Variants in ERMP1 observed in about 807,000 individuals in gnomAD.
The protein encoded by ERMP1 is Felix-ina.
Under a neutral mutation model 92.0 loss-of-function variants are expected in ERMP1, and 86 were observed. That is an observed-to-expected ratio of 0.93 (90% CI 0.79 to 1.12). The LOEUF (loss-of-function observed/expected upper bound fraction) is 1.12, where lower values mean the gene tolerates loss of function less well. ERMP1 is among the 50% of genes most tolerant of loss of function. The probability of loss-of-function intolerance (pLI) is 0.00; values close to 1 mark genes in which losing one functional copy is unlikely to be tolerated. For missense variants in ERMP1, 1,342 were observed against 1,116.3 expected (o/e 1.20, Z -2.88); for synonymous variants, 530 against 412.8 (o/e 1.28, Z -3.44).
chr9:5,819,343 G>A (rs1263662531), intron 4 of ERMP1, among the ~76,000 whole-genome samples: 1 of 149,520 alleles, frequency 6.7e-6, no homozygotes. Flanking sequence ...CGGAGCCAGG[G>A]AAGGCCATGA....
intron 6 of ERMP1, chr9:5,856,379 C>G (rs1171617630): frequency 5.3e-6 from 1 of 188,174 alleles, no homozygotes; most frequent in Non-Finnish European, 1.2e-5. Context: ...ACTTCTGGGC[C>G]AAGAGGAGCG....
intron 13 of ERMP1, among the ~76,000 whole-genome samples, chr9:5,797,616 C>G (rs1464968039): frequency 1.3e-5 from 2 of 149,566 alleles, no homozygotes; most frequent in East Asian, 4.0e-4. Context: ...CCACTGCACT[C>G]TAGCCTGGGC....
intron 2 of ERMP1, among the ~76,000 whole-genome samples, chr9:5,828,559 C>T (rs865803625): frequency 4.6e-5 from 7 of 152,196 alleles, no homozygotes; most frequent in Non-Finnish European, 8.8e-5. Flanking sequence ...CCTCGAGACT[C>T]AAGGTCCTTT....
rs1405338987 is a variant in ERMP1, at chr9:5,799,018, AAAG to A, written c.2068-13_2068-11del. Reference sequence around the variant, plus strand: ...ATGTTCTAGTCATATGCTGAAAAAAAAAGACTAGTGAAAAAACTGTTTCAACTA... The same window carrying A: ...ATGTTCTAGTCATATGCTGAAAAAAAACTAGTGAAAAAACTGTTTCAACTA... On this transcript the variant is annotated splice_polypyrimidine_tract_variant and intron_variant, in intron 11 of 14. Transcript: ENST00000339450. 2 of 1,609,936 alleles carry A rather than the reference AAAG, an allele frequency of 1.2e-6. No homozygotes were observed. Among genetic ancestry groups the A allele is most frequent in the Non-Finnish European group, 8.5e-7 (1 of 1,176,890 alleles).
In ERMP1 at chr9:5,810,301, G is replaced by C. The variant is rs1829043055; in HGVS notation, c.1328-70C>G. ...ATCAGTTATATAACCAGTCAGTAGA[G>C]CTAAATGGGCAAACATTAAAACAAA... On this transcript the variant is annotated intron_variant, in intron 7 of 14. Coordinates refer to ENST00000339450, the MANE Select transcript of ERMP1 (RefSeq NM_024896.3). The C allele has an allele frequency of 4.5e-6, 5 of 1,112,086 alleles. No individual in the cohort carries two copies. In the Admixed American group the frequency reaches 9.8e-5, roughly 22 times the overall value. The allele number at this position is 1,112,086 out of a possible 1,614,324, so 68.9% of individuals were successfully genotyped here. A position where few individuals can be genotyped will look rare whatever the true frequency, so the allele number is the denominator to read the frequency against.
At chr9:5,799,467 C>T (rs566862100) in intron 11 of ERMP1, among the ~76,000 whole-genome samples, 1 of 152,088 alleles carries the variant, frequency 6.6e-6, no homozygotes, top group East Asian at 1.9e-4. Flanking sequence ...CACCGTGCTC[C>T]ATTTGAAATA....
intron 12 of ERMP1, among the ~76,000 whole-genome samples, chr9:5,798,142 G>C (rs1264211303): frequency 1.3e-5 from 2 of 152,114 alleles, no homozygotes; most frequent in Non-Finnish European, 2.9e-5. Flanking sequence ...AGGTGATCTT[G>C]ATTCCACCAC....
At chr9:5,826,818 AAGAG>A (rs1220228525) in intron 2 of ERMP1, among the ~76,000 whole-genome samples, 3 of 152,216 alleles carry the variant, frequency 2.0e-5, no homozygotes, top group Non-Finnish European at 4.4e-5. Context: ...TTTATTCAAA[AAGAG>A]AGAAAGGGAA....
intron 4 of ERMP1, among the ~76,000 whole-genome samples, chr9:5,819,372 C>T (rs908751804): frequency 3.3e-5 from 5 of 152,166 alleles, no homozygotes; most frequent in Non-Finnish European, 5.9e-5. Flanking sequence ...TTCTCATGCA[C>T]AAATGCCTGA....
chr9:5,823,843 C>T (rs1829633672), intron 4 of ERMP1, 53 bp downstream of exon 4: 1 of 1,274,018 alleles, frequency 7.8e-7, no homozygotes, highest in African/African-American at 1.5e-5. Context: ...AAACTTTCTA[C>T]TTTTACAAAA....
chr9:5,850,416 A>AAAG (rs1439039058), intron 6 of ERMP1, among the ~76,000 whole-genome samples: 2 of 148,084 alleles, frequency 1.4e-5, no homozygotes. Flanking sequence ...AAAAAAAAAA[A>AAAG]AAAAAAAAAA....
rs959317555 is a variant in ERMP1, at chr9:5,786,075, A to C, written c.*1069T>G. The C allele has an allele frequency of 2.0e-5, 3 of 152,288 alleles. No homozygotes were observed. The highest frequency in any genetic ancestry group is 7.2e-5 in the African/African-American group (3 of 41,564). The allele number at this position is 152,288 out of a possible 1,614,324, so 9.4% of individuals were successfully genotyped here. ...TCATTCCAGTATAAGCCACAACCTC[A>C]AGTCTCAGGAAAGCCAGTCTGCTGG... On this transcript the variant is annotated 3_prime_UTR_variant, in exon 15 of 15. Coordinates refer to ENST00000339450, the MANE Select transcript of ERMP1 (RefSeq NM_024896.3).
chr9:5,798,443 C>T (rs1586775565), intron 12 of ERMP1, among the ~76,000 whole-genome samples: 2 of 151,948 alleles, frequency 1.3e-5, no homozygotes, highest in South Asian at 2.1e-4. Flanking sequence ...CTCGAACTCC[C>T]GACCTCAGGT....
intron 6 of ERMP1, among the ~76,000 whole-genome samples, chr9:5,849,485 A>T (rs928388815): frequency 4.6e-5 from 7 of 152,148 alleles, no homozygotes; most frequent in African/African-American, 1.4e-4. Flanking sequence ...ACCCAACCCC[A>T]GCTCCTTGCT....
chr9:5,817,345 A>G (rs2131251753), intron 4 of ERMP1, among the ~76,000 whole-genome samples: 1 of 151,786 alleles, frequency 6.6e-6, no homozygotes, highest in South Asian at 2.1e-4. Context: ...GCCCGCCACC[A>G]TGCCTGGCTA....
chr9:5,861,369 T>G lies in ERMP1; in HGVS notation n.3056-1758A>C, dbSNP rs555066350. On this transcript the variant is annotated intron_variant and non_coding_transcript_variant, in intron 5 of 6. Coordinates refer to the ERMP1 transcript ENST00000690753. The stretch of plus-strand genomic sequence containing the variant: ...TTAAGGAAATATATTCTACACTCTT[T>G]CTACTCAAGGTACAGGGTTGAGTTT... 2.6e-5 allele frequency among the ~76,000 whole-genome samples: 4 copies of G among 152,306 alleles called. No individual in the cohort carries two copies. In the East Asian group the frequency reaches 5.8e-4, roughly 22 times the overall value.
chr9:5,811,061 C>T, intron 7 of ERMP1, 50 bp downstream of exon 7: 1 of 1,293,828 alleles, frequency 7.7e-7, no homozygotes, highest in Non-Finnish European at 1.1e-6. Flanking sequence ...AAACTTCAAG[C>T]ACATTCTACA....
At position 5,830,904 on chromosome 9, in the gene ERMP1, G is replaced by T; in HGVS notation, c.463C>A (p.His155Asn). The T allele has an allele frequency of 6.2e-7, 1 of 1,614,154 alleles. No individual in the cohort carries two copies. ...CGTTGTACATCTACTGAAATCTTAT[G>T]AAGGCTGTTGCTTTGCACTTCAATC... ...KLIEVQSNSL[H>N]KISVDVQRPT... The change falls in exon 2 of 15, where the codon CAT (histidine) becomes AAT (asparagine). Residue 155 changes from histidine to asparagine, a missense_variant. Physicochemically the swap from His to Asn is moderately conservative, Grantham distance 68. Transcript: ENST00000339450.
chr9:5,826,222 A>G (rs1031775517), intron 2 of ERMP1, among the ~76,000 whole-genome samples: 6 of 152,242 alleles, frequency 3.9e-5, no homozygotes, highest in South Asian at 2.1e-4. Context: ...GAAACTTTCC[A>G]TATCAGAAAA....
Sources: gnomAD v4.1 joint callset for allele counts (sites outside exome capture counted in the v4.1 genomes callset) on GRCh38, gnomAD v4.1.1 for gene constraint, MANE v1.5 for transcripts, NCBI Gene and HGNC (gene_info 2026-07-23, HGNC 2026-07-21) for gene names.